Variants in BRD8 observed in about 807,000 individuals in gnomAD.
BRD8 encodes the protein bromodomain-containing protein 8.
BRD8 carries 67 observed loss-of-function variants against 143.1 expected under a neutral mutation model. That is an observed-to-expected ratio of 0.47 (90% confidence interval 0.38 to 0.57). The LOEUF (loss-of-function observed/expected upper bound fraction) is 0.57, where lower values mean the gene tolerates loss of function less well. Among genes scored for constraint, BRD8 ranks in the 20% least tolerant of loss-of-function variants. The pLI, the probability that BRD8 is intolerant of heterozygous loss-of-function variation, is 0.00. For missense variants in BRD8, 1,103 were observed against 1,503.0 expected (o/e 0.73, Z 4.40); for synonymous variants, 505 against 517.1 (o/e 0.98, Z 0.32).
chr5:138,154,604 A>C (rs1300855802), intron 20 of BRD8, among the ~76,000 whole-genome samples: 1 of 152,148 alleles, frequency 6.6e-6, no homozygotes, highest in African/African-American at 2.4e-5. Flanking sequence ...ATACCTTTCC[A>C]TTGCCTCACA....
At chr5:138,159,403 G>T in intron 20 of BRD8, 152 bp downstream of exon 20, 1 of 802,340 alleles carries the variant, frequency 1.2e-6, no homozygotes, top group Non-Finnish European at 2.0e-6. Flanking sequence ...CAGGAATGCA[G>T]AAGAAAAGAG....
At position 138,145,172 on chromosome 5, in the gene BRD8, C is replaced by A; in HGVS notation, c.3437+5G>T. ...CCAACCTTTCTTGACCCCTTTTTCA[C>A]TGACCTTTTCACCACATCCTTGTAC... is the stretch of plus-strand genomic sequence containing the variant. On this transcript the variant is annotated splice_donor_5th_base_variant and intron_variant, in intron 25 of 26. Transcript: ENST00000254900. 6.2e-7 allele frequency: 1 copy of A among 1,611,004 alleles called. No homozygotes were observed. Among genetic ancestry groups the A allele is most frequent in the Non-Finnish European group, 8.5e-7 (1 of 1,179,170 alleles).
chr5:138,144,092 A>T (rs1193357072), intron 25 of BRD8, among the ~76,000 whole-genome samples: 2 of 150,960 alleles, frequency 1.3e-5, no homozygotes, highest in African/African-American at 4.9e-5. Flanking sequence ...AAGACCACGA[A>T]CCCAACAAGA....
At chr5:138,169,122 A>C (rs1753670980) in intron 8 of BRD8, 100 bp downstream of exon 8, 2 of 1,277,860 alleles carry the variant, frequency 1.6e-6, no homozygotes, top group Non-Finnish European at 2.2e-6. Context: ...AGATCAAGAG[A>C]GGAAGTTGCC....
chr5:138,157,152 C>A, intron 20 of BRD8: 1 of 1,606,432 alleles, frequency 6.2e-7, no homozygotes, highest in Non-Finnish European at 8.5e-7. Flanking sequence ...CAAGCCCAAG[C>A]TCTATCTTGT....
intron 21 of BRD8, among the ~76,000 whole-genome samples, chr5:138,151,855 A>T (rs1752383756): frequency 6.9e-6 from 1 of 144,976 alleles, no homozygotes; most frequent in Non-Finnish European, 1.5e-5. Flanking sequence ...TTTTAATTTT[A>T]ATTAATTTAT....
chr5:138,143,563 A>G (rs2151179396), intron 25 of BRD8, among the ~76,000 whole-genome samples: 1 of 152,268 alleles, frequency 6.6e-6, no homozygotes, highest in East Asian at 1.9e-4. Flanking sequence ...TGGGACTTGG[A>G]GAACTTTTCT....
intron 25 of BRD8, among the ~76,000 whole-genome samples, chr5:138,143,732 A>C (rs954693329): frequency 3.9e-5 from 6 of 152,078 alleles, no homozygotes; most frequent in African/African-American, 1.2e-4. Context: ...GTCTAGCTAA[A>C]GCTTTGTAAA....
chr5:138,178,107 C>T (rs1478565282), intron 1 of BRD8, among the ~76,000 whole-genome samples: 6 of 152,170 alleles, frequency 3.9e-5, no homozygotes, highest in African/African-American at 1.2e-4. Flanking sequence ...AGATCCTCTA[C>T]TCCAAATGTC....
chr5:138,145,395 G>T, intron 24 of BRD8, 150 bp from the exon 25 acceptor site: 1 of 628,562 alleles, frequency 1.6e-6, no homozygotes, highest in South Asian at 2.5e-5. Flanking sequence ...TCTTGCCAGA[G>T]AGTTAAAAAA....
chr5:138,169,326 A>G lies in BRD8; in HGVS notation c.538T>C (p.Leu180=). The G allele has an allele frequency of 6.2e-7, 1 of 1,614,086 alleles. No individual in the cohort carries two copies. The highest frequency in any genetic ancestry group is 8.5e-7 in the Non-Finnish European group (1 of 1,179,994). Reference sequence around the variant, plus strand: ...GGAGAGCGAACCATCACAGTGGGTAACCTCCGGGGGGGTGTTTTTACTGCT... The same window carrying G: ...GGAGAGCGAACCATCACAGTGGGTAGCCTCCGGGGGGGTGTTTTTACTGCT... ...RQAVKTPPRR[L]PTVMVRSPID... is the part of the protein sequence containing the mutation. The change falls in exon 8 of 27, where the codon TTA becomes CTA. Residue 180 remains leucine, a synonymous_variant. Transcript: ENST00000254900.
chr5:138,154,162 C>G (rs1337194423), intron 20 of BRD8, among the ~76,000 whole-genome samples: 1 of 152,194 alleles, frequency 6.6e-6, no homozygotes, highest in Non-Finnish European at 1.5e-5. Context: ...CTGCTCTCAA[C>G]AAATATAGTT....
At chr5:138,170,230 G>C in intron 7 of BRD8, 115 bp downstream of exon 7, 2 of 791,808 alleles carry the variant, frequency 2.5e-6, no homozygotes, top group South Asian at 3.1e-5. Context: ...TGGTAGAAGA[G>C]AAAACTGCAA....
Position 138,152,606 on chromosome 5 carries a change from T to C in BRD8, c.2732A>G (p.Glu911Gly), listed in dbSNP as rs1561601773. 5 of 1,614,050 alleles carry C rather than the reference T, an allele frequency of 3.1e-6. No homozygotes were observed. The highest frequency in any genetic ancestry group is 2.2e-5 in the East Asian group (1 of 44,898). ...WRETEDPEAE[E>G]LEESSPEREP... is the part of the protein sequence containing the mutation. ...TCTCTCCGGGCTGCTTTCCTCTAGT[T>C]CCTCAGCCTCTGGATCCTCAGTTTC... Residue 911 changes from glutamate to glycine, a missense_variant, in exon 21 of 27, where the codon GAA becomes GGA. Physicochemically the swap from Glu to Gly is moderately conservative, Grantham distance 98 (BLOSUM62 -2). Transcript: ENST00000254900.
chr5:138,162,026 A>G, intron 16 of BRD8, 28 bp downstream of exon 16: 1 of 1,594,576 alleles, frequency 6.3e-7, no homozygotes. Context: ...GGAGAAAATG[A>G]ACCTACTGAC....
chr5:138,170,575 T>C, intron 6 of BRD8, 166 bp from the exon 7 acceptor site: 1 of 825,606 alleles, frequency 1.2e-6, no homozygotes, highest in Non-Finnish European at 2.1e-6. Context: ...ACTGCCTAAC[T>C]CCCAGTTCTT....
intron 15 of BRD8, among the ~76,000 whole-genome samples, chr5:138,162,721 G>A (rs533367640): frequency 1.3e-5 from 2 of 152,136 alleles, no homozygotes; most frequent in South Asian, 2.1e-4. Context: ...AAAAGGCCAG[G>A]CATGGTGTCT....
At chr5:138,143,983 C>T (rs182778533) in intron 25 of BRD8, among the ~76,000 whole-genome samples, 14 of 152,170 alleles carry the variant, frequency 9.2e-5, no homozygotes, top group Non-Finnish European at 1.9e-4. Context: ...TCTTTCACTC[C>T]GCAATAAATC....
intron 25 of BRD8, among the ~76,000 whole-genome samples, chr5:138,142,457 G>A (rs758166033): frequency 6.6e-5 from 10 of 152,032 alleles, no homozygotes; most frequent in East Asian, 3.9e-4. Context: ...CATTTTAGAT[G>A]ACCTATGCTA....
Sources: allele counts gnomAD v4.1 joint callset (sites outside exome capture counted in the v4.1 genomes callset), GRCh38; gene constraint gnomAD v4.1.1; transcripts MANE v1.5; gene names NCBI Gene and HGNC (gene_info 2026-07-23, HGNC 2026-07-21).